The following VAMP3 variants were observed in gnomAD, a reference collection of about 807,000 sequenced individuals.
VAMP3 encodes vesicle-associated membrane protein 3.
VAMP3 carries 11 observed loss-of-function variants against 18.1 expected under a neutral mutation model. That is an observed-to-expected ratio of 0.61 (90% confidence interval 0.38 to 1.00). VAMP3 has a LOEUF of 1.00. Among genes scored for constraint, VAMP3 ranks in the 50% least tolerant of loss-of-function variants. The pLI is 0.01. For missense variants in VAMP3, 122 were observed against 127.3 expected (o/e 0.96, Z 0.20); for synonymous variants, 49 against 43.1 (o/e 1.14, Z -0.53).
rs534182855 is a variant in VAMP3, at chr1:7,779,833, C to T, written c.*188C>T. On this transcript the variant is annotated 3_prime_UTR_variant, in exon 5 of 5. Coordinates refer to ENST00000054666, the MANE Select transcript of VAMP3 (RefSeq NM_004781.4). Reference sequence around the variant, plus strand: ...CTCCAAATTAGAAGGCCGGCCCCGTCCACATTTTGCACAGTGCCTTTACAG... The same window carrying T: ...CTCCAAATTAGAAGGCCGGCCCCGTTCACATTTTGCACAGTGCCTTTACAG... 1.4e-6 allele frequency: 1 copy of T among 692,536 alleles called. No individual in the cohort carries two copies. The highest frequency in any genetic ancestry group is 2.4e-6 in the Non-Finnish European group (1 of 419,972). The allele number at this position is 692,536 out of a possible 1,614,324, so 42.9% of individuals were successfully genotyped here. A position where few individuals can be genotyped will look rare whatever the true frequency, so the allele number is the denominator to read the frequency against.
rs556421707 is a variant in VAMP3 at position 7,780,180 on chromosome 1, C to A, written c.*535C>A. On this transcript the variant is annotated 3_prime_UTR_variant, in exon 5 of 5. Coordinates refer to ENST00000054666, the MANE Select transcript of VAMP3 (RefSeq NM_004781.4). ...CTGTATTTAAGATGCTGGTGAAGAGCTTTTGCTCTTGCATTAGATTTGAAG... is the reference window on the plus strand; with the variant it reads ...CTGTATTTAAGATGCTGGTGAAGAGATTTTGCTCTTGCATTAGATTTGAAG... The A allele has an allele frequency of 6.5e-6, 1 of 153,222 alleles. No individual in the cohort carries two copies. The highest frequency in any genetic ancestry group is 2.1e-4 in the South Asian group (1 of 4,826). The allele number at this position is 153,222 out of a possible 1,614,324, so 9.5% of individuals were successfully genotyped here.
At chr1:7,773,097 A>G (rs1244970239) in intron 1 of VAMP3, 2 of 211,688 alleles carry the variant, frequency 9.4e-6, no homozygotes, top group Non-Finnish European at 1.9e-5. Flanking sequence ...AAAGATCAGG[A>G]AAGTACTGAG....
Position 7,779,608 on chromosome 1 carries a change from A to G in VAMP3, c.284-18A>G. ...CCTGCTGTTTCCCCTGCCTTTTTGC[A>G]TCTCTCCTCCTTCTTAGTGTGGGTT... On this transcript the variant is annotated intron_variant, in intron 4 of 4. Coordinates refer to ENST00000054666, the MANE Select transcript of VAMP3 (RefSeq NM_004781.4). 2.5e-6 allele frequency: 4 copies of G among 1,613,046 alleles called. No homozygotes were observed. The highest frequency in any genetic ancestry group is 3.4e-6 in the Non-Finnish European group (4 of 1,179,468).
chr1:7,779,156 C>T (rs1242294536), intron 4 of VAMP3, among the ~76,000 whole-genome samples: 1 of 152,158 alleles, frequency 6.6e-6, no homozygotes, highest in East Asian at 1.9e-4. Context: ...GATCATGCCA[C>T]TGCACTCCAG....
chr1:7,771,338 C>G lies in VAMP3; in HGVS notation c.-46C>G, dbSNP rs373739555. 1 of 1,593,922 alleles carries G rather than the reference C, an allele frequency of 6.3e-7. No homozygotes were observed. The highest frequency in any genetic ancestry group is 1.1e-5 in the South Asian group (1 of 89,888). ...GGCCTCCGGTCCCAACTTCGCTTCT[C>G]TGCTGACCCTCTCTCGTCGCCGCTG... On this transcript the variant is annotated 5_prime_UTR_variant, in exon 1 of 5. Coordinates refer to ENST00000054666, the MANE Select transcript of VAMP3 (RefSeq NM_004781.4).
intron 2 of VAMP3, among the ~76,000 whole-genome samples, chr1:7,776,217 C>G (rs896912145): frequency 1.3e-5 from 2 of 152,224 alleles, no homozygotes; most frequent in Admixed American, 6.5e-5. Context: ...TTTCTAGTTT[C>G]ATTGTCCAAG....
At position 7,773,459 on chromosome 1, in the gene VAMP3, C is replaced by CT; in HGVS notation, c.21dup (p.Ala8CysfsTer5). 1 of 1,614,146 alleles carries CT rather than the reference C, an allele frequency of 6.2e-7. No individual in the cohort carries two copies. Among genetic ancestry groups the CT allele is most frequent in the Non-Finnish European group, 8.5e-7 (1 of 1,179,996 alleles). On this transcript the variant is annotated frameshift_variant, in exon 2 of 5. Transcript: ENST00000054666. LOFTEE classifies it high-confidence loss of function. ...TGTTCCAGGTCTACAGGTCCAACTGCTGCCACTGGCAGTAATCGAAGACTT... is the reference window on the plus strand; with the variant it reads ...TGTTCCAGGTCTACAGGTCCAACTGCTTGCCACTGGCAGTAATCGAAGACTT...
chr1:7,779,702 A>G lies in VAMP3; in HGVS notation c.*57A>G. 3.1e-6 allele frequency: 5 copies of G among 1,611,264 alleles called. No homozygotes were observed. The highest frequency in any genetic ancestry group is 4.2e-6 in the Non-Finnish European group (5 of 1,177,672). ...GAAACCTCTTCAAGACTTTTGACTT[A>G]GAACCTGCTATATTATCAAGCTTAC... On this transcript the variant is annotated 3_prime_UTR_variant, in exon 5 of 5. Coordinates refer to ENST00000054666, the MANE Select transcript of VAMP3 (RefSeq NM_004781.4).
rs1393605592 is a variant in VAMP3 at position 7,780,665 on chromosome 1, C to T, written c.*1020C>T. The stretch of plus-strand genomic sequence containing the variant: ...AATTCTGTAGCCTCAAGTAAGACCA[C>T]CTGTGAACTTGATCATTATCTGGCC... On this transcript the variant is annotated 3_prime_UTR_variant, in exon 5 of 5. Transcript: ENST00000054666. 6.6e-6 allele frequency: 1 copy of T among 152,350 alleles called. No homozygotes were observed. The highest frequency in any genetic ancestry group is 2.4e-5 in the African/African-American group (1 of 41,452). The allele number at this position is 152,350 out of a possible 1,614,324, so 9.4% of individuals were successfully genotyped here.
At position 7,780,803 on chromosome 1, in the gene VAMP3, AATGGCTCTTTTCAC is replaced by A; in HGVS notation, c.*1160_*1173del. 6.6e-6 allele frequency: 1 copy of A among 152,396 alleles called. No individual in the cohort carries two copies. The highest frequency in any genetic ancestry group is 1.5e-5 in the Non-Finnish European group (1 of 68,044). The allele number at this position is 152,396 out of a possible 1,614,324, so 9.4% of individuals were successfully genotyped here. A position where few individuals can be genotyped will look rare whatever the true frequency, so the allele number is the denominator to read the frequency against. On this transcript the variant is annotated 3_prime_UTR_variant, in exon 5 of 5. Coordinates refer to ENST00000054666, the MANE Select transcript of VAMP3 (RefSeq NM_004781.4). Reference sequence around the variant, plus strand: ...TGCAATTAGGCATTGGTCAGGGGTGAATGGCTCTTTTCACAGAGAGTAGCCAACCAGAGACCTTT... The same window carrying A: ...TGCAATTAGGCATTGGTCAGGGGTGAAGAGAGTAGCCAACCAGAGACCTTT...
chr1:7,774,283 T>C (rs1290319317), intron 2 of VAMP3, among the ~76,000 whole-genome samples: 4 of 152,224 alleles, frequency 2.6e-5, no homozygotes, highest in Non-Finnish European at 4.4e-5. Context: ...CAATTTTAGA[T>C]TTTCACAGTA....
chr1:7,773,724 C>A (rs2097052616), intron 2 of VAMP3, among the ~76,000 whole-genome samples: 1 of 152,164 alleles, frequency 6.6e-6, no homozygotes, highest in Non-Finnish European at 1.5e-5. Context: ...GTGATAGAAA[C>A]CTGCTCATAA....
intron 2 of VAMP3, 34 bp from the exon 3 acceptor site, chr1:7,777,126 T>C: frequency 6.3e-7 from 1 of 1,576,214 alleles, no homozygotes; most frequent in Non-Finnish European, 8.6e-7. Flanking sequence ...CCTCCATTCT[T>C]TGTGCATTAC....
intron 2 of VAMP3, among the ~76,000 whole-genome samples, chr1:7,775,575 C>T (rs1435937055): frequency 1.3e-5 from 2 of 152,190 alleles, no homozygotes; most frequent in African/African-American, 4.8e-5. Flanking sequence ...TCTCAAACTC[C>T]TGATCTCAGG....
At chr1:7,777,063 G>A (rs538851861) in intron 2 of VAMP3, 97 bp from the exon 3 acceptor site, 15 of 1,394,786 alleles carry the variant, frequency 1.1e-5, no homozygotes, top group Middle Eastern at 2.1e-4. Context: ...CACCCACCTC[G>A]GCCTCCCAAA....
At chr1:7,771,465 G>A (rs2097050585) in intron 1 of VAMP3, 80 bp downstream of exon 1, 1 of 1,410,622 alleles carries the variant, frequency 7.1e-7, no homozygotes, top group South Asian at 1.5e-5. Context: ...CTGCCCAGTT[G>A]CCGCCGGCCG....
intron 1 of VAMP3, among the ~76,000 whole-genome samples, chr1:7,772,477 T>C (rs924929066): frequency 2.6e-5 from 4 of 152,200 alleles, no homozygotes; most frequent in Non-Finnish European, 5.9e-5. Context: ...ACTTTATACC[T>C]GAAAAACCAA....
chr1:7,774,839 A>T (rs1473096963), intron 2 of VAMP3, among the ~76,000 whole-genome samples: 1 of 152,244 alleles, frequency 6.6e-6, no homozygotes, highest in Non-Finnish European at 1.5e-5. Context: ...ACCTTTCAGC[A>T]ATTATGAATA....
intron 4 of VAMP3, 107 bp from the exon 5 acceptor site, chr1:7,779,519 A>G (rs2097056025): frequency 1.3e-6 from 2 of 1,496,536 alleles, no homozygotes; most frequent in Non-Finnish European, 1.9e-6. Context: ...AGCCCAGTCT[A>G]ATTTCTGATC....
Sources: allele counts gnomAD v4.1 joint callset (sites outside exome capture counted in the v4.1 genomes callset), GRCh38; gene constraint gnomAD v4.1.1; transcripts MANE v1.5; gene names NCBI Gene and HGNC (gene_info 2026-07-23, HGNC 2026-07-21).